Variants in ACTL6A observed in about 807,000 individuals in gnomAD.
The protein encoded by ACTL6A is actin-like protein 6A.
In ACTL6A, 5 loss-of-function variants were observed where a neutral mutation model predicts 59.2. The ratio of observed to expected loss-of-function variants is 0.08; its 90% CI spans 0.04 to 0.18. The LOEUF is 0.18. Among genes scored for constraint, ACTL6A ranks in the 10% least tolerant of loss-of-function variants. The pLI, the probability that ACTL6A is intolerant of heterozygous loss-of-function variation, is 1.00. For missense variants in ACTL6A, 285 were observed against 526.9 expected (o/e 0.54, Z 4.49); for synonymous variants, 154 against 171.8 (o/e 0.90, Z 0.81).
chr3:179,575,217 T>G, intron 5 of ACTL6A: 2 of 359,622 alleles, frequency 5.6e-6, no homozygotes, highest in Non-Finnish European at 5.4e-6. Flanking sequence ...TATTTTACTT[T>G]CAGACCGTGC....
Position 179,580,666 on chromosome 3 carries a change from G to T in ACTL6A, c.795G>T (p.Ser265=). The change falls in exon 9 of 14, where the codon TCG becomes TCT. Residue 265 remains serine, a synonymous_variant. Transcript: ENST00000429709. ...GTGTTATCCAGGATTTTCAAGCTTC[G>T]GTACTTCAAGTGTCAGATTCAACTT... ...CNCVIQDFQA[S]VLQVSDSTYD... The T allele has an allele frequency of 1.2e-6, 2 of 1,608,188 alleles. No individual in the cohort carries two copies. Among genetic ancestry groups the T allele is most frequent in the Non-Finnish European group, 1.7e-6 (2 of 1,177,132 alleles).
intron 13 of ACTL6A, among the ~76,000 whole-genome samples, chr3:179,587,561 T>A (rs375691970): frequency 1.0e-3 from 158 of 151,960 alleles, no homozygotes; most frequent in African/African-American, 3.6e-3. Flanking sequence ...ATTCAAAGTT[T>A]AGGAGTTACG....
intron 4 of ACTL6A, 52 bp downstream of exon 4, chr3:179,573,521 T>TTTTTTTTTTC (rs1718077404): frequency 1.4e-4 from 52 of 360,058 alleles, no homozygotes; most frequent in South Asian, 4.5e-4. Context: ...TTTTTTTTTC[T>TTTTTTTTTTC]TTTTTTTTTC....
At chr3:179,584,863 A>G (rs1718439148) in intron 12 of ACTL6A, among the ~76,000 whole-genome samples, 1 of 152,154 alleles carries the variant, frequency 6.6e-6, no homozygotes, top group South Asian at 2.1e-4. Context: ...CATTTAAAAA[A>G]CCTTATTAGT....
rs199911698 is a variant in ACTL6A, at chr3:179,579,791, AAAAT to A, written c.769-841_769-838del. On this transcript the variant is annotated intron_variant, in intron 8 of 13. Transcript: ENST00000429709. ...CGACAAGAGCAAGACTCTGTCTCAA[AAAAT>A]AAATAAAGACAGGGTCTCTCTCTGT... 7.4e-3 allele frequency among the ~76,000 whole-genome samples: 1,128 copies of A among 152,232 alleles called. 12 individuals carry two copies. The highest frequency in any genetic ancestry group is 0.026 in the African/African-American group (1,074 of 41,522).
In ACTL6A at chr3:179,569,611, G is replaced by T. The variant is rs1717941826; in HGVS notation, c.26-213G>T. On this transcript the variant is annotated intron_variant, in intron 1 of 13. Coordinates refer to ENST00000429709, the MANE Select transcript of ACTL6A (RefSeq NM_004301.5). ...AGCACTTTGGGATGCTGAGGCAGAG[G>T]ATTGCTTGAGCCCTGGAGTTTGAGT... 2.0e-5 allele frequency among the ~76,000 whole-genome samples: 3 copies of T among 152,316 alleles called. No individual in the cohort carries two copies. In the South Asian group the frequency reaches 6.2e-4, roughly 32 times the overall value.
chr3:179,565,562 G>T (rs1717810363), intron 1 of ACTL6A, among the ~76,000 whole-genome samples: 1 of 151,764 alleles, frequency 6.6e-6, no homozygotes, highest in South Asian at 2.1e-4. Context: ...GATTCCGTGT[G>T]GTGGAGTCAA....
In ACTL6A at chr3:179,576,932, C is replaced by A; in HGVS notation, c.768+19C>A. ...GTGTAATGTAAGTAACCCTCATTCT[C>A]TTTACAAAAATGTTACAGGCTTTTT... On this transcript the variant is annotated intron_variant, in intron 8 of 13. Coordinates refer to ENST00000429709, the MANE Select transcript of ACTL6A (RefSeq NM_004301.5). 6.3e-7 allele frequency: 1 copy of A among 1,587,564 alleles called. No homozygotes were observed. The highest frequency in any genetic ancestry group is 1.2e-5 in the South Asian group (1 of 86,366).
intron 13 of ACTL6A, 160 bp downstream of exon 13, chr3:179,586,792 T>A: frequency 1.7e-6 from 1 of 598,538 alleles, no homozygotes. Flanking sequence ...TGTTCTGATG[T>A]AACAAAATGC....
At chr3:179,575,392 T>G (rs1333892575) in intron 5 of ACTL6A, 1 of 456,736 alleles carries the variant, frequency 2.2e-6, no homozygotes, top group Non-Finnish European at 4.4e-6. Flanking sequence ...CCTGAGCTTT[T>G]CTTTTTACAG....
chr3:179,584,992 T>C (rs1371876040), intron 12 of ACTL6A, among the ~76,000 whole-genome samples: 1 of 152,232 alleles, frequency 6.6e-6, no homozygotes, highest in Non-Finnish European at 1.5e-5. Flanking sequence ...TATCTAAATA[T>C]ATAGGCACAC....
At chr3:179,569,374 C>T (rs1184760817) in intron 1 of ACTL6A, among the ~76,000 whole-genome samples, 1 of 152,202 alleles carries the variant, frequency 6.6e-6, no homozygotes, top group Non-Finnish European at 1.5e-5. Flanking sequence ...TCCTGTATTT[C>T]ACCTATATCT....
In ACTL6A at chr3:179,588,244, C is replaced by T. The variant is rs1371686563; in HGVS notation, c.*234C>T. 6 of 383,866 alleles carry T rather than the reference C, an allele frequency of 1.6e-5. No homozygotes were observed. The highest frequency in any genetic ancestry group is 2.7e-5 in the Non-Finnish European group (6 of 219,686). The allele number at this position is 383,866 out of a possible 1,614,324, so 23.8% of individuals were successfully genotyped here. On this transcript the variant is annotated 3_prime_UTR_variant, in exon 14 of 14. Transcript: ENST00000429709. ...ATAATTTTGTATAAATGTCTATTTTCTCTAAATATTTTGCTTTCAGTAAAA... is the reference window on the plus strand; with the variant it reads ...ATAATTTTGTATAAATGTCTATTTTTTCTAAATATTTTGCTTTCAGTAAAA...
Position 179,586,553 on chromosome 3 carries a change from G to A in ACTL6A, c.1130G>A (p.Arg377Gln), listed in dbSNP as rs1398588309. The A allele has an allele frequency of 6.9e-6, 11 of 1,587,562 alleles. No homozygotes were observed. Among genetic ancestry groups the A allele is most frequent in the Non-Finnish European group, 6.8e-6 (8 of 1,171,642 alleles). Residue 377 changes from arginine (R) to glutamine (Q), a missense_variant, in exon 13 of 14, where the codon CGG becomes CAG. Coordinates refer to ENST00000429709, the MANE Select transcript of ACTL6A (RefSeq NM_004301.5). ...CATATTCTTCTATTTCAGAGTATGC[G>A]GTTGAAATTGATTGCAAATAATACA... The part of the protein sequence containing the change: ...ELSQKTPPSM[R>Q]LKLIANNTTV...
At chr3:179,565,994 A>T (rs898646265) in intron 1 of ACTL6A, among the ~76,000 whole-genome samples, 4 of 152,162 alleles carry the variant, frequency 2.6e-5, no homozygotes, top group African/African-American at 4.8e-5. Flanking sequence ...CAATGGTATT[A>T]AAAAGGAGGG....
intron 1 of ACTL6A, 26 bp downstream of exon 1, chr3:179,563,143 A>T (rs1470579169): frequency 1.2e-6 from 2 of 1,608,288 alleles, no homozygotes; most frequent in Non-Finnish European, 1.7e-6. Context: ...CGGACGAGAG[A>T]GCGCGCCTTT....
intron 8 of ACTL6A, 59 bp downstream of exon 8, chr3:179,576,972 A>T (rs753174247): frequency 5.9e-5 from 83 of 1,417,630 alleles, no homozygotes; most frequent in Non-Finnish European, 6.7e-5. Flanking sequence ...GAGTATTAAA[A>T]AAAGTTATAT....
rs542855484 is a variant in ACTL6A at position 179,570,810 on chromosome 3, A to C, written c.277+569A>C. Among the ~76,000 whole-genome samples the C allele has an allele frequency of 1.3e-4, 20 of 152,312 alleles. No individual in the cohort carries two copies. The South Asian group carries it at 3.7e-3, about 28-fold the overall frequency. On this transcript the variant is annotated intron_variant, in intron 3 of 13. Transcript: ENST00000429709. The surrounding 1 kb of genome is among the most constrained non-coding windows in gnomAD (Gnocchi z 4.3). ...AAAGGTAGGCAGGGAGCAGTCATAA[A>C]AGGGCTTGTAAACCATCCCAGGGTT...
intron 6 of ACTL6A, 150 bp downstream of exon 6, chr3:179,576,461 G>A (rs1012231031): frequency 3.7e-5 from 29 of 785,336 alleles, no homozygotes; most frequent in Non-Finnish European, 2.6e-5. Flanking sequence ...AGTATATAAT[G>A]TATATTTAAA....
Sources: allele counts gnomAD v4.1 joint callset (sites outside exome capture counted in the v4.1 genomes callset), GRCh38; gene constraint gnomAD v4.1.1; non-coding constraint Gnocchi (gnomAD v3.1); transcripts MANE v1.5; gene names NCBI Gene and HGNC (gene_info 2026-07-23, HGNC 2026-07-21).